RHOD: variants seen among roughly 807,000 people sequenced by gnomAD.
The protein encoded by RHOD is rho-related GTP-binding protein RhoD.
A neutral mutation model predicts 16.7 loss-of-function variants in RHOD; 11 were observed. The observed-to-expected ratio is 0.66, with a 90% CI of 0.41 to 1.09. The LOEUF is 1.09. RHOD is among the 50% of genes least tolerant of loss of function. RHOD has a pLI of 0.00. For synonymous variants in RHOD, 124 were observed against 126.3 expected (o/e 0.98, Z 0.12); for missense variants, 271 against 291.7 (o/e 0.93, Z 0.52).
In RHOD at chr11:67,071,672, G is replaced by C. The variant is rs370433163; in HGVS notation, c.*70G>C. Reference sequence around the variant, plus strand: ...ACCTGCTGCTGAGCTGGCTGGGCTGGACCCGGTCCCTAGGCTGTGACCGCC... The same window carrying C: ...ACCTGCTGCTGAGCTGGCTGGGCTGCACCCGGTCCCTAGGCTGTGACCGCC... On this transcript the variant is annotated 3_prime_UTR_variant, in exon 5 of 5. Transcript: ENST00000308831. 7.7e-4 allele frequency: 1,113 copies of C among 1,438,248 alleles called. 6 individuals are homozygous for C. In the African/African-American group the frequency reaches 0.014, roughly 18 times the overall value. 89.1% of individuals were successfully genotyped at this position (1,438,248 alleles called of 1,614,324 possible). A position where few individuals can be genotyped will look rare whatever the true frequency, so the allele number is the denominator to read the frequency against.
At position 67,056,869 on chromosome 11, in the gene RHOD, C is replaced by G; in HGVS notation, c.-34C>G. The G allele has an allele frequency of 3.0e-6, 4 of 1,352,664 alleles. No individual in the cohort carries two copies. Among genetic ancestry groups the G allele is most frequent in the Non-Finnish European group, 2.8e-6 (3 of 1,063,306 alleles). 83.8% of individuals were successfully genotyped at this position (1,352,664 alleles called of 1,614,324 possible). ...CGCAGTCTGGGTCTCTGCGCCGCAG[C>G]CGCCCGCCCGCCCGCTCAGCGCCCG... is the stretch of plus-strand genomic sequence containing the variant. On this transcript the variant is annotated 5_prime_UTR_variant, in exon 1 of 5. Coordinates refer to ENST00000308831, the MANE Select transcript of RHOD (RefSeq NM_014578.4).
At chr11:67,060,604 C>T (rs1229943493) in intron 1 of RHOD, among the ~76,000 whole-genome samples, 1 of 152,198 alleles carries the variant, frequency 6.6e-6, no homozygotes, top group Non-Finnish European at 1.5e-5. Flanking sequence ...TCTCTGCAGC[C>T]ACAAAGACCT....
At chr11:67,065,169 G>C (rs767187716) in intron 1 of RHOD, among the ~76,000 whole-genome samples, 1 of 151,492 alleles carries the variant, frequency 6.6e-6, no homozygotes, top group East Asian at 1.9e-4. Context: ...TCCACCTCCC[G>C]GGTTCAAGCT....
intron 1 of RHOD, among the ~76,000 whole-genome samples, chr11:67,058,393 G>T (rs1235479257): frequency 6.6e-6 from 1 of 152,164 alleles, no homozygotes; most frequent in East Asian, 1.9e-4. Flanking sequence ...GGCCAGAATG[G>T]TCTCGATCAT....
At chr11:67,060,362 C>T (rs755438189) in intron 1 of RHOD, among the ~76,000 whole-genome samples, 6 of 152,246 alleles carry the variant, frequency 3.9e-5, no homozygotes, top group South Asian at 4.1e-4. Flanking sequence ...TGGCTGAGGA[C>T]GGCTTAACAG....
intron 4 of RHOD, 33 bp from the exon 5 acceptor site, chr11:67,071,402 C>A: frequency 6.5e-7 from 1 of 1,547,936 alleles, no homozygotes; most frequent in South Asian, 1.2e-5. Context: ...CCAGTGCCCC[C>A]TTCACCGCAG....
At chr11:67,064,404 CAAA>C (rs551453728) in intron 1 of RHOD, among the ~76,000 whole-genome samples, 7 of 61,078 alleles carry the variant, frequency 1.1e-4, no homozygotes, top group East Asian at 4.7e-4. Flanking sequence ...GACTCCCTCT[CAAA>C]AAAAAAAAAA....
At position 67,057,031 on chromosome 11, in the gene RHOD, C is replaced by T. The variant is rs917557087; in HGVS notation, c.129C>T (p.Pro43=). ...TGGTCTTCGCCGATGGGGCCTTCCC[C>T]GAGGTGAGTGCCCCGCGCCTCCGCC... ...LLMVFADGAF[P]ESYTPTVFER... The change falls in exon 1 of 5, where the codon CCC becomes CCT. Residue 43 remains proline (P), a synonymous_variant. Transcript: ENST00000308831. The T allele has an allele frequency of 6.8e-6, 10 of 1,479,646 alleles. No individual in the cohort carries two copies. The highest frequency in any genetic ancestry group is 5.9e-5 in the African/African-American group (4 of 68,352). 91.7% of individuals were successfully genotyped at this position (1,479,646 alleles called of 1,614,324 possible).
intron 2 of RHOD, 24 bp downstream of exon 2, chr11:67,066,007 G>T: frequency 7.0e-7 from 1 of 1,424,160 alleles, no homozygotes; most frequent in South Asian, 1.2e-5. Flanking sequence ...GGTGGGGCAG[G>T]GTGGGAGGGG....
At position 67,071,460 on chromosome 11, in the gene RHOD, G is replaced by A. The variant is rs1855028806; in HGVS notation, c.491G>A (p.Gly164Asp). The A allele has an allele frequency of 3.1e-6, 5 of 1,600,114 alleles. No individual in the cohort carries two copies. The highest frequency in any genetic ancestry group is 4.3e-6 in the Non-Finnish European group (5 of 1,174,084). ...GGCCAGGAGATGGCGAGGTCCGTGG[G>A]CGCGGTGGCCTACCTCGAGTGCTCG... ...HRGQEMARSV[G>D]AVAYLECSAR... The change falls in exon 5 of 5, where the codon GGC (glycine) becomes GAC (aspartate). Residue 164 changes from glycine (G) to aspartate (D), a missense_variant. Physicochemically the swap from Gly to Asp is moderately conservative, Grantham distance 94. Transcript: ENST00000308831.
At chr11:67,067,910 C>T (rs1051669529) in intron 3 of RHOD, among the ~76,000 whole-genome samples, 40 of 152,304 alleles carry the variant, frequency 2.6e-4, no homozygotes, top group Middle Eastern at 6.8e-3. Context: ...TACCATTCTC[C>T]TGCCTCAGCC....
chr11:67,061,844 G>GTATA (rs1197866161), intron 1 of RHOD, among the ~76,000 whole-genome samples: 8 of 140,730 alleles, frequency 5.7e-5, no homozygotes, highest in Non-Finnish European at 9.1e-5. Flanking sequence ...GTGTGTGTGT[G>GTATA]TATATATATA....
chr11:67,064,250 C>CA (rs1352495828), intron 1 of RHOD, among the ~76,000 whole-genome samples: 1 of 147,534 alleles, frequency 6.8e-6, no homozygotes, highest in African/African-American at 2.5e-5. Context: ...ACTAAAAATA[C>CA]AAAAAATTAG....
In RHOD at chr11:67,058,322, C is replaced by T. The variant is rs150446601; in HGVS notation, c.132+1288C>T. ...TCCCGAGTAGCTGGGACTACAGGCG[C>T]GTGCCACCGTGCCCAGCTAATTTTT... On this transcript the variant is annotated intron_variant, in intron 1 of 4. Transcript: ENST00000308831. Among the ~76,000 whole-genome samples the T allele has an allele frequency of 3.4e-3, 523 of 152,238 alleles. 5 individuals are homozygous for T. The highest frequency in any genetic ancestry group is 0.012 in the African/African-American group (515 of 41,544).
Position 67,068,198 on chromosome 11 carries a change from T to G in RHOD, c.330+1351T>G, listed in dbSNP as rs974155934. 2.0e-5 allele frequency among the ~76,000 whole-genome samples: 3 copies of G among 152,032 alleles called. No individual in the cohort carries two copies. The East Asian group carries it at 5.8e-4, about 29-fold the overall frequency. On this transcript the variant is annotated intron_variant, in intron 3 of 4. Coordinates refer to ENST00000308831, the MANE Select transcript of RHOD (RefSeq NM_014578.4). Reference sequence around the variant, plus strand: ...CGGGAGTGGGACATCCTAGTGGAGGTGTCCGGCAGGCAGTGCGATGCATGC... The same window carrying G: ...CGGGAGTGGGACATCCTAGTGGAGGGGTCCGGCAGGCAGTGCGATGCATGC...
chr11:67,071,868 C>T lies in RHOD; in HGVS notation c.*266C>T, dbSNP rs1053843932. On this transcript the variant is annotated 3_prime_UTR_variant, in exon 5 of 5. Transcript: ENST00000308831. ...CGGTCCCGGACCGACATCCTGGAGC[C>T]GCCTGTGCAGCCTGATGCCCCCTCG... The T allele has an allele frequency of 7.3e-6, 3 of 412,376 alleles. No homozygotes were observed. The highest frequency in any genetic ancestry group is 8.6e-6 in the Non-Finnish European group (2 of 233,472). 25.5% of individuals were successfully genotyped at this position (412,376 alleles called of 1,614,324 possible). A position where few individuals can be genotyped will look rare whatever the true frequency, so the allele number is the denominator to read the frequency against.
Position 67,056,925 on chromosome 11 carries a change from G to A in RHOD, c.23G>A (p.Gly8Asp). 1 of 1,475,150 alleles carries A rather than the reference G, an allele frequency of 6.8e-7. No individual in the cohort carries two copies. Among genetic ancestry groups the A allele is most frequent in the Non-Finnish European group, 8.9e-7 (1 of 1,121,804 alleles). 91.4% of individuals were successfully genotyped at this position (1,475,150 alleles called of 1,614,324 possible). A position where few individuals can be genotyped will look rare whatever the true frequency, so the allele number is the denominator to read the frequency against. ...GGGATGACGGCGGCCCAGGCCGCGGGTGAGGAGGCGCCACCAGGCGTGCGG... is the reference window on the plus strand; with the variant it reads ...GGGATGACGGCGGCCCAGGCCGCGGATGAGGAGGCGCCACCAGGCGTGCGG... MTAAQAA[G>D]EEAPPGVRSV... Residue 8 changes from glycine to aspartate, a missense_variant, in exon 1 of 5, where the codon GGT becomes GAT. Transcript: ENST00000308831.
In RHOD at chr11:67,071,761, G is replaced by C; in HGVS notation, c.*159G>C. The C allele has an allele frequency of 1.4e-6, 1 of 721,574 alleles. No homozygotes were observed. The highest frequency in any genetic ancestry group is 2.2e-6 in the Non-Finnish European group (1 of 456,400). The allele number at this position is 721,574 out of a possible 1,614,324, so 44.7% of individuals were successfully genotyped here. On this transcript the variant is annotated 3_prime_UTR_variant, in exon 5 of 5. Transcript: ENST00000308831. ...CCCTGAGGCCTGGGAGTCCTGGACT[G>C]AGAAAGGGGGTTCCTGGGCCCACCT... is the stretch of plus-strand genomic sequence containing the variant.
intron 1 of RHOD, 93 bp from the exon 2 acceptor site, chr11:67,065,803 A>AC (rs967040183): frequency 2.6e-6 from 2 of 779,676 alleles, no homozygotes; most frequent in African/African-American, 1.7e-5. Context: ...CGCTCCACTG[A>AC]CCCCCAAGGA....
Sources: allele counts gnomAD v4.1 joint callset (sites outside exome capture counted in the v4.1 genomes callset), GRCh38; gene constraint gnomAD v4.1.1; transcripts MANE v1.5; gene names NCBI Gene and HGNC (gene_info 2026-07-23, HGNC 2026-07-21).